TMEM17: variants seen among roughly 807,000 people sequenced by gnomAD.
TMEM17 encodes the protein transmembrane protein 17.
TMEM17 carries 15 observed loss-of-function variants against 19.1 expected under a neutral mutation model. The ratio of observed to expected loss-of-function variants is 0.78; its 90% CI spans 0.52 to 1.21. The LOEUF is 1.21. Ranked by LOEUF, TMEM17 falls within the 50% of genes most tolerant of loss-of-function variation. The probability of loss-of-function intolerance (pLI) is 0.00; values close to 1 mark genes in which losing one functional copy is unlikely to be tolerated. For synonymous variants in TMEM17, 103 were observed against 86.9 expected, an observed-to-expected ratio of 1.19 and a Z score of -1.03; for missense variants, 245 against 242.3, an observed-to-expected ratio of 1.01 and a Z score of -0.07.
At chr2:62,497,504 G>A (rs1679805439), downstream of TMEM17, among the ~76,000 whole-genome samples, 1 of 152,056 alleles carries the variant, frequency 6.6e-6, no homozygotes, top group Non-Finnish European at 1.5e-5. Flanking sequence ...ACTATTTTTT[G>A]TTCTTAACAC....
At chr2:62,470,269 C>T in the TMEM17 span, among the ~76,000 whole-genome samples, 1 of 152,160 alleles carries the variant, frequency 6.6e-6, no homozygotes, top group Non-Finnish European at 1.5e-5. Context: ...TAAAGTTCCT[C>T]TTCCAAATCA....
the TMEM17 span, among the ~76,000 whole-genome samples, chr2:62,468,498 T>C: frequency 1.3e-5 from 2 of 152,234 alleles, no homozygotes; most frequent in South Asian, 4.1e-4. Context: ...GGGTCCTGAC[T>C]TGAGCTGTTG....
At chr2:62,489,486 TA>T in the TMEM17 span, among the ~76,000 whole-genome samples, 1 of 152,212 alleles carries the variant, frequency 6.6e-6, no homozygotes, top group Non-Finnish European at 1.5e-5. Context: ...GCGATTGGAG[TA>T]GGCATTTTAG....
At chr2:62,469,022 A>G in the TMEM17 span, among the ~76,000 whole-genome samples, 1 of 152,178 alleles carries the variant, frequency 6.6e-6, no homozygotes, top group Non-Finnish European at 1.5e-5. Flanking sequence ...ACCCTCTGTC[A>G]TTGCATCCCC....
At chr2:62,492,818 A>G in the TMEM17 span, among the ~76,000 whole-genome samples, 4 of 152,236 alleles carry the variant, frequency 2.6e-5, no homozygotes, top group African/African-American at 9.6e-5. Flanking sequence ...AAAAATAAGT[A>G]GAGTTTCACC....
chr2:62,485,920 C>A, the TMEM17 span, among the ~76,000 whole-genome samples: 3 of 152,134 alleles, frequency 2.0e-5, no homozygotes, highest in Non-Finnish European at 4.4e-5. Flanking sequence ...AAGATTTGCA[C>A]GGAATTGACC....
At chr2:62,499,058 A>C (rs1013730174), downstream of TMEM17, among the ~76,000 whole-genome samples, 1 of 152,170 alleles carries the variant, frequency 6.6e-6, no homozygotes, top group African/African-American at 2.4e-5. Context: ...CAAACAAATG[A>C]CTTGGTCATG....
the TMEM17 span, among the ~76,000 whole-genome samples, chr2:62,453,806 G>A: frequency 4.6e-5 from 7 of 152,164 alleles, no homozygotes; most frequent in African/African-American, 1.4e-4. Flanking sequence ...TCTCACCCAC[G>A]GTTTGCTTGC....
At chr2:62,492,720 G>C in the TMEM17 span, among the ~76,000 whole-genome samples, 1 of 152,220 alleles carries the variant, frequency 6.6e-6, no homozygotes, top group Non-Finnish European at 1.5e-5. Context: ...AGTGGTGCCT[G>C]TCCCCAAGAT....
chr2:62,466,810 T>C, the TMEM17 span, among the ~76,000 whole-genome samples: 3 of 152,102 alleles, frequency 2.0e-5, no homozygotes, highest in Non-Finnish European at 4.4e-5. Context: ...GAATTTGACT[T>C]GCTATGTTTG....
the TMEM17 span, among the ~76,000 whole-genome samples, chr2:62,462,384 C>A: frequency 2.6e-3 from 400 of 152,290 alleles, 2 homozygotes; most frequent in African/African-American, 9.0e-3. Flanking sequence ...AAGTCACTGA[C>A]CCTCTCTGGA....
intron 1 of TMEM17, among the ~76,000 whole-genome samples, chr2:62,504,109 T>C (rs572800151): frequency 6.6e-6 from 1 of 152,366 alleles, no homozygotes; most frequent in East Asian, 1.9e-4. Context: ...GCTGAGTGTT[T>C]TTATCTGTCA....
At chr2:62,470,899 C>G in the TMEM17 span, among the ~76,000 whole-genome samples, 3 of 152,198 alleles carry the variant, frequency 2.0e-5, no homozygotes, top group Admixed American at 6.5e-5. Context: ...CTTACTTGAG[C>G]CTGTCTTGAG....
chr2:62,475,943 A>T, the TMEM17 span, among the ~76,000 whole-genome samples: 1 of 152,182 alleles, frequency 6.6e-6, no homozygotes, highest in Non-Finnish European at 1.5e-5. Flanking sequence ...TGTGCAGGAA[A>T]ATGTCAAGCA....
the TMEM17 span, chr2:62,491,092 A>AAAC: frequency 1.3e-5 from 2 of 151,882 alleles, no homozygotes; most frequent in African/African-American, 2.4e-5. Context: ...AAAAAAAAAA[A>AAAC]AAAAAAAAAA....
chr2:62,504,625 CT>C lies in TMEM17; in HGVS notation c.100+1404del, dbSNP rs201957032. Among the ~76,000 whole-genome samples, 911 of 152,256 alleles carry C rather than the reference CT, an allele frequency of 6.0e-3. 5 individuals carry two copies. The highest frequency in any genetic ancestry group is 8.1e-3 in the African/African-American group (335 of 41,560). ...GAACCTTAAAAGCGTAAGACATAAA[CT>C]TACTAAATTTTGCAAAAGTTCAAGT... On this transcript the variant is annotated intron_variant, in intron 1 of 3. Coordinates refer to ENST00000335390, the MANE Select transcript of TMEM17 (RefSeq NM_198276.3).
chr2:62,458,089 T>TA, the TMEM17 span, among the ~76,000 whole-genome samples: 5 of 152,288 alleles, frequency 3.3e-5, no homozygotes, highest in South Asian at 8.3e-4. Context: ...TAATGACACT[T>TA]ACTGCAGATG....
the TMEM17 span, among the ~76,000 whole-genome samples, chr2:62,462,093 A>G: frequency 6.6e-6 from 1 of 152,154 alleles, no homozygotes; most frequent in East Asian, 1.9e-4. Flanking sequence ...TTCCTTGTGA[A>G]CAATTCTCTC....
chr2:62,466,760 G>A, the TMEM17 span, among the ~76,000 whole-genome samples: 1 of 152,188 alleles, frequency 6.6e-6, no homozygotes. Context: ...CCTCTGAGAG[G>A]GGGAGCTACA....
Sources: allele counts gnomAD v4.1 joint callset (sites outside exome capture counted in the v4.1 genomes callset), GRCh38; gene constraint gnomAD v4.1.1; transcripts MANE v1.5; gene names NCBI Gene and HGNC (gene_info 2026-07-23, HGNC 2026-07-21).